Variants in SLC16A7 observed in about 807,000 individuals in gnomAD.
SLC16A7 encodes monocarboxylate transporter 2.
SLC16A7 carries 33 observed loss-of-function variants against 34.9 expected under a neutral mutation model. That is an observed-to-expected ratio of 0.94 (90% CI 0.72 to 1.26). The LOEUF (loss-of-function observed/expected upper bound fraction) is 1.26. Ranked by LOEUF, SLC16A7 falls within the 50% of genes most tolerant of loss-of-function variation. The pLI, the probability that SLC16A7 is intolerant of heterozygous loss-of-function variation, is 0.00. For missense variants in SLC16A7, 573 were observed against 578.1 expected (o/e 0.99, Z 0.09); for synonymous variants, 201 against 206.6 (o/e 0.97, Z 0.23).
At chr12:59,779,362 A>G in intron 5 of SLC16A7, 61 bp from the exon 6 acceptor site, 1 of 1,263,184 alleles carries the variant, frequency 7.9e-7, no homozygotes, top group South Asian at 1.6e-5. Context: ...ATTTATTTGA[A>G]TTTTTATCAT....
intron 1 of SLC16A7, among the ~76,000 whole-genome samples, chr12:59,630,551 A>G (rs1880135693): frequency 6.6e-6 from 1 of 151,948 alleles, no homozygotes; most frequent in Non-Finnish European, 1.5e-5. Flanking sequence ...AGAGTGCTCA[A>G]AACAAGTCAG....
At chr12:59,720,546 A>G (rs1457377934) in intron 3 of SLC16A7, among the ~76,000 whole-genome samples, 2 of 152,088 alleles carry the variant, frequency 1.3e-5, no homozygotes, top group African/African-American at 2.4e-5. Context: ...GGAAAATTAT[A>G]TATCCAATCC....
chr12:59,610,454 A>C (rs181149326), intron 1 of SLC16A7, among the ~76,000 whole-genome samples: 1 of 152,248 alleles, frequency 6.6e-6, no homozygotes, highest in Non-Finnish European at 1.5e-5. Flanking sequence ...TTACATTTAA[A>C]TAATTGGGAT....
At chr12:59,651,716 A>T (rs1868345605) in intron 1 of SLC16A7, among the ~76,000 whole-genome samples, 1 of 152,136 alleles carries the variant, frequency 6.6e-6, no homozygotes, top group African/African-American at 2.4e-5. Context: ...TTCAACCTTG[A>T]GTTAGTCAGC....
intron 3 of SLC16A7, 73 bp downstream of exon 3, chr12:59,705,091 G>A (rs997703632): frequency 9.5e-7 from 1 of 1,049,320 alleles, no homozygotes; most frequent in Non-Finnish European, 1.5e-6. Context: ...TTTACATGGA[G>A]TGTCTTGGTA....
At chr12:59,652,593 A>T (rs1868360637) in intron 1 of SLC16A7, among the ~76,000 whole-genome samples, 1 of 151,948 alleles carries the variant, frequency 6.6e-6, no homozygotes, top group Middle Eastern at 3.4e-3. Flanking sequence ...AAAATACCAT[A>T]CTATTTCCTA....
intron 3 of SLC16A7, among the ~76,000 whole-genome samples, chr12:59,717,044 G>A (rs748252335): frequency 1.3e-5 from 2 of 152,154 alleles, no homozygotes; most frequent in Non-Finnish European, 2.9e-5. Flanking sequence ...TAAAATCTAC[G>A]TAGCAAACAA....
chr12:59,614,553 G>A (rs1008458007), intron 1 of SLC16A7, among the ~76,000 whole-genome samples: 13 of 151,842 alleles, frequency 8.6e-5, no homozygotes, highest in South Asian at 2.1e-4. Context: ...TATAGCTGCC[G>A]TAATTTGAAT....
rs777276941 is a variant in SLC16A7 at position 59,775,142 on chromosome 12, G to T, written c.847G>T (p.Ala283Ser). 6.2e-7 allele frequency: 1 copy of T among 1,614,070 alleles called. No individual in the cohort carries two copies. The highest frequency in any genetic ancestry group is 2.2e-5 in the East Asian group (1 of 44,878). Residue 283 changes from alanine to serine, a missense_variant, in exon 5 of 6, where the codon GCT becomes TCT. Transcript: ENST00000547379. ...KDQGIDEYSA[A>S]FLLSVMAFVD... The stretch of plus-strand genomic sequence containing the variant: ...CCAAGGAATTGATGAGTACTCGGCA[G>T]CTTTTCTGCTATCTGTTATGGCTTT...
chr12:59,730,386 A>T (rs993728720), intron 3 of SLC16A7, among the ~76,000 whole-genome samples: 1 of 151,556 alleles, frequency 6.6e-6, no homozygotes, highest in African/African-American at 2.4e-5. Context: ...TCCTAAAATG[A>T]TGACCTACTG....
At chr12:59,711,805 G>C (rs892951820) in intron 3 of SLC16A7, among the ~76,000 whole-genome samples, 1 of 152,162 alleles carries the variant, frequency 6.6e-6, no homozygotes, top group Non-Finnish European at 1.5e-5. Flanking sequence ...CACCCACCCA[G>C]CCCTAATTGC....
intron 3 of SLC16A7, among the ~76,000 whole-genome samples, chr12:59,706,605 G>A (rs1181068824): frequency 6.6e-6 from 1 of 152,062 alleles, no homozygotes; most frequent in Non-Finnish European, 1.5e-5. Flanking sequence ...TTTATAGATT[G>A]TAAGAATGTT....
rs116248938 is a variant in SLC16A7 at position 59,640,258 on chromosome 12, C to T, written c.-129-14894C>T. On this transcript the variant is annotated intron_variant, in intron 1 of 5. Transcript: ENST00000547379. Reference sequence around the variant, plus strand: ...GAAACAAAGAAGACATTAGGCTCAACACAATTAGTAAGCAGAACGAAAGGG... The same window carrying T: ...GAAACAAAGAAGACATTAGGCTCAATACAATTAGTAAGCAGAACGAAAGGG... Among the ~76,000 whole-genome samples the T allele has an allele frequency of 8.3e-3, 1,259 of 152,212 alleles. 15 individuals are homozygous for T. The highest frequency in any genetic ancestry group is 0.029 in the African/African-American group (1,212 of 41,538).
chr12:59,750,783 C>T (rs774897807), intron 3 of SLC16A7, among the ~76,000 whole-genome samples: 3 of 152,106 alleles, frequency 2.0e-5, no homozygotes, highest in Admixed American at 6.5e-5. Context: ...TAGCACTGTT[C>T]ACAATAGCAA....
chr12:59,775,722 T>G (rs996246555), intron 5 of SLC16A7, among the ~76,000 whole-genome samples: 2 of 152,156 alleles, frequency 1.3e-5, no homozygotes, highest in African/African-American at 2.4e-5. Context: ...ATTAGTAACA[T>G]AATCTTCAGG....
chr12:59,666,539 A>G (rs1315574052), intron 2 of SLC16A7, among the ~76,000 whole-genome samples: 2 of 152,108 alleles, frequency 1.3e-5, no homozygotes, highest in Non-Finnish European at 2.9e-5. Context: ...GGTGGGAGGT[A>G]ATTGAATCAT....
intron 1 of SLC16A7, among the ~76,000 whole-genome samples, chr12:59,639,332 C>T (rs1880571018): frequency 6.6e-6 from 1 of 152,098 alleles, no homozygotes; most frequent in Non-Finnish European, 1.5e-5. Context: ...GGGTTGAAGT[C>T]ATGCTGTATA....
chr12:59,770,056 T>G (rs1336793964), intron 3 of SLC16A7, among the ~76,000 whole-genome samples: 2 of 152,090 alleles, frequency 1.3e-5, no homozygotes, highest in Non-Finnish European at 1.5e-5. Flanking sequence ...AGAAAGAAAA[T>G]AATGCTGTCA....
chr12:59,699,381 G>A lies in SLC16A7; in HGVS notation c.-30-5391G>A, dbSNP rs1040726591. Among the ~76,000 whole-genome samples, 16 of 151,678 alleles carry A rather than the reference G, an allele frequency of 1.1e-4. No homozygotes were observed. In the East Asian group the frequency reaches 3.1e-3, roughly 29 times the overall value. ...TCAAAATTATTAGTAATCACAGAAT[G>A]CAAATTAAAACTACAATGAATTTTT... is the stretch of plus-strand genomic sequence containing the variant. On this transcript the variant is annotated intron_variant, in intron 2 of 5. Coordinates refer to ENST00000547379, the MANE Select transcript of SLC16A7 (RefSeq NM_001270623.2).
Sources: gnomAD v4.1 joint callset for allele counts (sites outside exome capture counted in the v4.1 genomes callset) on GRCh38, gnomAD v4.1.1 for gene constraint, MANE v1.5 for transcripts, NCBI Gene and HGNC (gene_info 2026-07-23, HGNC 2026-07-21) for gene names.